MTMR7: variants seen among roughly 807,000 people sequenced by gnomAD.
MTMR7 encodes the protein phosphatidylinositol-3-phosphate phosphatase MTMR7.
In MTMR7, 76 loss-of-function variants were observed where a neutral mutation model predicts 81.2. The observed-to-expected ratio is 0.94, with a 90% CI of 0.78 to 1.13. MTMR7 has a LOEUF of 1.13. Ranked by LOEUF, MTMR7 falls within the 50% of genes most tolerant of loss-of-function variation. MTMR7 has a pLI of 0.00. For missense variants in MTMR7, 1,044 were observed against 820.0 expected (o/e 1.27, Z -3.34); for synonymous variants, 372 against 289.8 (o/e 1.28, Z -2.88).
chr8:17,340,364 C>A (rs1802585261), intron 6 of MTMR7, among the ~76,000 whole-genome samples: 1 of 152,256 alleles, frequency 6.6e-6, no homozygotes. Flanking sequence ...GGACGTTCAT[C>A]TTTCTCCTCA....
chr8:17,341,427 A>G lies in MTMR7; in HGVS notation c.668T>C (p.Leu223Pro). ...TGGATTGGCTTTCCTAATGGCCTGG[A>G]GCATCTGCTCGTCCTCTAGGCACCG... Reference protein sequence around the residue: ...SARCLEDEQMLQAIRKANPGS... With the variant: ...SARCLEDEQMPQAIRKANPGS... Residue 223 changes from leucine (L) to proline (P), a missense_variant, in exon 6 of 14, where the codon CTC becomes CCC. Coordinates refer to ENST00000180173, the MANE Select transcript of MTMR7 (RefSeq NM_004686.5). The G allele has an allele frequency of 6.2e-7, 1 of 1,614,182 alleles. No homozygotes were observed. Among genetic ancestry groups the G allele is most frequent in the South Asian group, 1.1e-5 (1 of 91,078 alleles).
At chr8:17,370,918 C>T (rs929456287) in intron 3 of MTMR7, 119 bp downstream of exon 3, 10 of 1,051,718 alleles carry the variant, frequency 9.5e-6, no homozygotes, top group African/African-American at 1.6e-5. Context: ...CTCCTGAGAA[C>T]GAGACTGACA....
At chr8:17,343,842 T>C (rs1321184461) in intron 5 of MTMR7, among the ~76,000 whole-genome samples, 3 of 152,198 alleles carry the variant, frequency 2.0e-5, no homozygotes, top group Non-Finnish European at 4.4e-5. Flanking sequence ...GAACAGTAAG[T>C]AGTCTCAGTG....
Position 17,341,564 on chromosome 8 carries a change from G to A in MTMR7, c.598-67C>T. On this transcript the variant is annotated intron_variant, in intron 5 of 13. Transcript: ENST00000180173. ...TGTACCCATGAGAGACACTCTACGT[G>A]TGTCTCCAGAACAAAGAGCCCTTGG... The A allele has an allele frequency of 1.9e-6, 3 of 1,566,082 alleles. No individual in the cohort carries two copies. In the East Asian group the frequency reaches 6.8e-5, roughly 36 times the overall value.
chr8:17,403,635 T>C (rs1821491362), intron 1 of MTMR7, among the ~76,000 whole-genome samples: 1 of 151,936 alleles, frequency 6.6e-6, no homozygotes, highest in Non-Finnish European at 1.5e-5. Context: ...TTGATAAGGA[T>C]TGTAAATTTG....
intron 5 of MTMR7, among the ~76,000 whole-genome samples, chr8:17,348,548 T>TC (rs1819631966): frequency 4.2e-5 from 1 of 23,838 alleles, no homozygotes; most frequent in Non-Finnish European, 1.1e-4. Context: ...AGACTCTGTC[T>TC]CAAAAAAAAA....
chr8:17,334,694 C>G (rs949038836), intron 6 of MTMR7, among the ~76,000 whole-genome samples: 1 of 152,214 alleles, frequency 6.6e-6, no homozygotes, highest in African/African-American at 2.4e-5. Flanking sequence ...TTGCCTTCAG[C>G]TTAGAACTGA....
At chr8:17,372,071 T>C (rs1304392917) in intron 2 of MTMR7, among the ~76,000 whole-genome samples, 1 of 152,028 alleles carries the variant, frequency 6.6e-6, no homozygotes, top group Non-Finnish European at 1.5e-5. Flanking sequence ...ATCATTCTAC[T>C]CTCTAAAGAG....
At chr8:17,339,974 G>T (rs1368330652) in intron 6 of MTMR7, among the ~76,000 whole-genome samples, 7 of 152,214 alleles carry the variant, frequency 4.6e-5, no homozygotes, top group African/African-American at 1.7e-4. Flanking sequence ...TTTTTGAGAT[G>T]GAGTTTCGCT....
rs911587747 is a variant in MTMR7 at position 17,390,018 on chromosome 8, A to G, written c.25-16778T>C. Among the ~76,000 whole-genome samples the G allele has an allele frequency of 3.3e-5, 5 of 151,662 alleles. No individual in the cohort carries two copies. In the East Asian group the frequency reaches 5.8e-4, roughly 18 times the overall value. The stretch of plus-strand genomic sequence containing the variant: ...TTGGGAAGATAAAGTCACTGCTCAC[A>G]TGGAGTTTGTACCTTCTGCTTGAAG... On this transcript the variant is annotated intron_variant, in intron 1 of 13. Transcript: ENST00000180173.
chr8:17,311,517 G>A lies in MTMR7; in HGVS notation c.1095C>T (p.Gly365=). Residue 365 remains glycine (G), a synonymous_variant, in exon 9 of 14, where the codon GGC becomes GGT. Coordinates refer to ENST00000180173, the MANE Select transcript of MTMR7 (RefSeq NM_004686.5). ...GCCCAGTGGCCACACTCACCATGAAGCCCTTCAGAGTCCGGTAGTGAGGGT... is the reference window on the plus strand; with the variant it reads ...GCCCAGTGGCCACACTCACCATGAAACCCTTCAGAGTCCGGTAGTGAGGGT... ...LLDPHYRTLK[G]FMVLIEKDWI... 6.2e-7 allele frequency: 1 copy of A among 1,614,036 alleles called. No individual in the cohort carries two copies. Among genetic ancestry groups the A allele is most frequent in the Non-Finnish European group, 8.5e-7 (1 of 1,180,002 alleles).
chr8:17,403,315 A>G (rs978763675), intron 1 of MTMR7, among the ~76,000 whole-genome samples: 6 of 152,208 alleles, frequency 3.9e-5, no homozygotes, highest in Non-Finnish European at 5.9e-5. Flanking sequence ...TTTTCTAAGC[A>G]CCATTTATTG....
chr8:17,378,802 CTTCT>C (rs1820669896), intron 1 of MTMR7, among the ~76,000 whole-genome samples: 1 of 152,156 alleles, frequency 6.6e-6, no homozygotes, highest in Admixed American at 6.5e-5. Context: ...ATTGGCAGTG[CTTCT>C]TTCTTCTTTT....
At chr8:17,319,953 T>C (rs1408494189) in intron 7 of MTMR7, among the ~76,000 whole-genome samples, 5 of 152,158 alleles carry the variant, frequency 3.3e-5, no homozygotes, top group Admixed American at 3.3e-4. Flanking sequence ...ACTTGAAATA[T>C]GTCTGATCAG....
rs148329356 is a variant in MTMR7, at chr8:17,364,328, C to A, written c.311-3054G>T. On this transcript the variant is annotated intron_variant, in intron 3 of 13. Transcript: ENST00000180173. ...GATCACAGGCGTGAGCCACCGCGCC[C>A]GGTCAAAAAGTGATGTTATGATTTT... 4.0e-3 allele frequency among the ~76,000 whole-genome samples: 610 copies of A among 152,120 alleles called. 2 individuals are homozygous for A. Among genetic ancestry groups the A allele is most frequent in the African/African-American group, 0.014 (573 of 41,492 alleles).
intron 1 of MTMR7, among the ~76,000 whole-genome samples, chr8:17,411,403 C>T (rs1487599172): frequency 6.6e-6 from 1 of 152,164 alleles, no homozygotes; most frequent in African/African-American, 2.4e-5. Context: ...CTCTATCATA[C>T]ACTGACATAT....
chr8:17,309,238 T>G, intron 10 of MTMR7, 39 bp downstream of exon 10: 1 of 1,317,366 alleles, frequency 7.6e-7, no homozygotes, highest in South Asian at 1.2e-5. Flanking sequence ...AACAGTGCTT[T>G]TATTCTAAAC....
intron 8 of MTMR7, among the ~76,000 whole-genome samples, chr8:17,312,673 C>A (rs1244201508): frequency 6.6e-6 from 1 of 151,492 alleles, no homozygotes; most frequent in South Asian, 2.1e-4. Context: ...CACATCACAT[C>A]TGTAAAATCT....
intron 10 of MTMR7, among the ~76,000 whole-genome samples, chr8:17,306,821 C>T (rs1817485419): frequency 6.6e-6 from 1 of 152,016 alleles, no homozygotes; most frequent in Non-Finnish European, 1.5e-5. Flanking sequence ...AAAAGTGTTA[C>T]CTAGGCTAGC....
Sources: allele counts gnomAD v4.1 joint callset (sites outside exome capture counted in the v4.1 genomes callset), GRCh38; gene constraint gnomAD v4.1.1; transcripts MANE v1.5; gene names NCBI Gene and HGNC (gene_info 2026-07-23, HGNC 2026-07-21).